Variants in JAKMIP3 observed in about 807,000 individuals in gnomAD.
JAKMIP3 encodes the protein Janus kinase and microtubule interacting protein 3.
A neutral mutation model predicts 118.5 loss-of-function variants in JAKMIP3; 58 were observed. The observed-to-expected ratio is 0.49, with a 90% confidence interval of 0.40 to 0.61. The LOEUF (loss-of-function observed/expected upper bound fraction) is 0.61. Ranked by LOEUF, JAKMIP3 falls within the 20% of genes least tolerant of loss-of-function variation. The pLI, the probability that JAKMIP3 is intolerant of heterozygous loss-of-function variation, is 0.00. For synonymous variants in JAKMIP3, 486 were observed against 451.2 expected, an observed-to-expected ratio of 1.08 and a Z score of -0.98; for missense variants, 950 against 1,109.0, an observed-to-expected ratio of 0.86 and a Z score of 2.04.
At position 132,049,302 on chromosome 10, in the gene JAKMIP3, A is replaced by G. The variant is rs1056439493; in HGVS notation, c.-138+12564A>G. 6.6e-5 allele frequency among the ~76,000 whole-genome samples: 10 copies of G among 152,004 alleles called. No homozygotes were observed. The highest frequency in any genetic ancestry group is 2.4e-4 in the African/African-American group (10 of 41,390). ...ACCCACGGCTTTGCTTCCCTTCCTTAGGGCTGGGAGTGCTGCCCTCCTCCT... is the reference window on the plus strand; with the variant it reads ...ACCCACGGCTTTGCTTCCCTTCCTTGGGGCTGGGAGTGCTGCCCTCCTCCT... On this transcript the variant is annotated intron_variant, in intron 1 of 23. Transcript: ENST00000657785. This position sits in a 1 kb window ranked among gnomAD's most constrained non-coding sequence, Gnocchi z 4.3.
chr10:132,180,199 G>A (rs2060602235), intron 23 of JAKMIP3, among the ~76,000 whole-genome samples: 1 of 152,196 alleles, frequency 6.6e-6, no homozygotes, highest in African/African-American at 2.4e-5. Flanking sequence ...ACCGTTGCAA[G>A]CAGGCACTTC....
chr10:132,057,757 C>T (rs2038278027), intron 1 of JAKMIP3, among the ~76,000 whole-genome samples: 1 of 152,208 alleles, frequency 6.6e-6, no homozygotes, highest in African/African-American at 2.4e-5. Context: ...CAGCTGGGTC[C>T]TGTGTCAACC....
At chr10:132,162,193 T>C (rs551131521) in intron 19 of JAKMIP3, among the ~76,000 whole-genome samples, 1 of 152,324 alleles carries the variant, frequency 6.6e-6, no homozygotes, top group Admixed American at 6.5e-5. Flanking sequence ...TGGCTCTTTA[T>C]GGCAGGGGCT....
At chr10:132,046,521 G>A (rs1291594648) in intron 1 of JAKMIP3, among the ~76,000 whole-genome samples, 2 of 151,650 alleles carry the variant, frequency 1.3e-5, no homozygotes, top group Admixed American at 6.6e-5. Context: ...TCTCAGCATC[G>A]CGTCTTGGGT....
At chr10:132,180,724 TGTGTGCGTGTGTGCGTGCGTGCGCGC>T (rs2061155867) in intron 23 of JAKMIP3, among the ~76,000 whole-genome samples, 2 of 19,110 alleles carry the variant, frequency 1.0e-4, no homozygotes, top group African/African-American at 5.5e-4. Context: ...TGTGTGCGTG[TGTGTGCGTGTGTGCGTGCGTGCGCGC>T]GCGTGTGTGC....
At chr10:132,052,217 C>T (rs1182260570) in intron 1 of JAKMIP3, among the ~76,000 whole-genome samples, 1 of 152,156 alleles carries the variant, frequency 6.6e-6, no homozygotes, top group East Asian at 1.9e-4. Context: ...CAGAGTGAGA[C>T]CCTGTCTCAA....
chr10:132,139,111 T>A (rs4009684), intron 9 of JAKMIP3, among the ~76,000 whole-genome samples: 6,476 of 101,812 alleles, frequency 0.064, 299 homozygotes, highest in East Asian at 0.16. Context: ...TGTACATGTG[T>A]GTGTATGCAT....
chr10:132,048,429 G>T (rs911472871), intron 1 of JAKMIP3, among the ~76,000 whole-genome samples: 2 of 152,128 alleles, frequency 1.3e-5, no homozygotes, highest in African/African-American at 4.8e-5. Flanking sequence ...CTCCCCATTT[G>T]TCTGTTTGTT....
In JAKMIP3 at chr10:132,087,800, T is replaced by C. The variant is rs544153894; in HGVS notation, c.-137-16872T>C. 2.1e-3 allele frequency among the ~76,000 whole-genome samples: 320 copies of C among 152,154 alleles called. 3 individuals are homozygous for C. The highest frequency in any genetic ancestry group is 3.4e-3 in the Middle Eastern group (1 of 294). ...GTATACATGCACCATGTTGGTGTGCTGCACCCATTAACTCGTCATTTACAT... is the reference window on the plus strand; with the variant it reads ...GTATACATGCACCATGTTGGTGTGCCGCACCCATTAACTCGTCATTTACAT... On this transcript the variant is annotated intron_variant, in intron 1 of 23. Transcript: ENST00000684848.
At chr10:132,086,781 C>T (rs141105069) in intron 1 of JAKMIP3, among the ~76,000 whole-genome samples, 9 of 152,308 alleles carry the variant, frequency 5.9e-5, no homozygotes, top group African/African-American at 9.6e-5. Flanking sequence ...TTGAAAGCAG[C>T]AGATACTTGG....
chr10:132,088,195 T>C (rs1016712836), intron 1 of JAKMIP3, among the ~76,000 whole-genome samples: 1 of 152,182 alleles, frequency 6.6e-6, no homozygotes, highest in African/African-American at 2.4e-5. Flanking sequence ...TATAGCAGCA[T>C]GATTTATAAT....
chr10:132,137,825 C>T (rs997318659), intron 8 of JAKMIP3, among the ~76,000 whole-genome samples: 14 of 152,248 alleles, frequency 9.2e-5, no homozygotes, highest in Non-Finnish European at 2.9e-5. Context: ...GTGTGCCCCT[C>T]AAGTCACCTG....
chr10:132,147,519 G>C (rs1362615662), intron 13 of JAKMIP3, among the ~76,000 whole-genome samples: 1 of 152,204 alleles, frequency 6.6e-6, no homozygotes. Flanking sequence ...GCTCCAAGGG[G>C]CACCCGGGAG....
rs1565019542 is a variant in JAKMIP3, at chr10:132,180,632, T to TGTGC, written c.*1104-1724_*1104-1723insTGCG. 8.8e-4 allele frequency among the ~76,000 whole-genome samples: 28 copies of TGTGC among 31,974 alleles called. 2 individuals carry two copies. The highest frequency in any genetic ancestry group is 4.3e-3 in the African/African-American group (24 of 5,598). The allele number at this position is 31,974 out of a possible 152,430, so 21.0% of individuals were successfully genotyped here. ...GTGTGTGTGCGTGTGTGTGCGTGTG[T>TGTGC]GCGTGCGTGTGTGCGTGTGCGTGTG... On this transcript the variant is annotated intron_variant, in intron 23 of 23. Coordinates refer to ENST00000684848, the MANE Select transcript of JAKMIP3 (RefSeq NM_001323087.2).
chr10:132,132,849 A>G (rs561157413), intron 3 of JAKMIP3, among the ~76,000 whole-genome samples: 2 of 151,528 alleles, frequency 1.3e-5, no homozygotes, highest in Non-Finnish European at 2.9e-5. Context: ...TCTGTTCCCC[A>G]TGGTCTCCCC....
intron 1 of JAKMIP3, among the ~76,000 whole-genome samples, chr10:132,042,499 C>T (rs927980797): frequency 1.3e-5 from 2 of 152,174 alleles, no homozygotes; most frequent in East Asian, 1.9e-4. Context: ...TGAGCCACGG[C>T]GCCTGCTGTG....
intron 1 of JAKMIP3, among the ~76,000 whole-genome samples, chr10:132,053,801 G>A (rs1233154410): frequency 3.3e-5 from 5 of 152,008 alleles, no homozygotes; most frequent in South Asian, 2.1e-4. Flanking sequence ...TTGGGAGGCC[G>A]AGGCGGGCAG....
chr10:132,171,624 C>T (rs2059490000), intron 23 of JAKMIP3, among the ~76,000 whole-genome samples: 1 of 151,552 alleles, frequency 6.6e-6, no homozygotes, highest in Non-Finnish European at 1.5e-5. Context: ...CCTGCTTCCC[C>T]TGATGTCCCT....
rs899192426 is a variant in JAKMIP3 at position 132,126,334 on chromosome 10, G to A, written c.634-6978G>A. ...TTTTTTTTTTCCTGGACACGGTCTC[G>A]CTCTGTCACCCAGGCTGGAGTGCAG... On this transcript the variant is annotated intron_variant, in intron 3 of 23. Coordinates refer to ENST00000684848, the MANE Select transcript of JAKMIP3 (RefSeq NM_001323087.2). 4.7e-5 allele frequency among the ~76,000 whole-genome samples: 7 copies of A among 148,336 alleles called. No homozygotes were observed. In the South Asian group the frequency reaches 6.4e-4, roughly 13 times the overall value.
Sources: allele counts gnomAD v4.1 joint callset (sites outside exome capture counted in the v4.1 genomes callset), GRCh38; gene constraint gnomAD v4.1.1; non-coding constraint Gnocchi (gnomAD v3.1); transcripts MANE v1.5; gene names NCBI Gene and HGNC (gene_info 2026-07-23, HGNC 2026-07-21).